The following FRMD8 variants were observed in gnomAD, a reference collection of about 807,000 sequenced individuals.
The protein encoded by FRMD8 is FERM domain-containing protein 8.
FRMD8 carries 37 observed loss-of-function variants against 54.2 expected under a neutral mutation model. That is an observed-to-expected ratio of 0.68 (90% CI 0.53 to 0.90). The LOEUF is 0.90. FRMD8 is among the 40% of genes least tolerant of loss of function. FRMD8 has a pLI of 0.00. For missense variants in FRMD8, 585 were observed against 653.7 expected (o/e 0.89, Z 1.15); for synonymous variants, 246 against 286.9 (o/e 0.86, Z 1.44).
chr11:65,404,827 GC>G lies in FRMD8; in HGVS notation c.1072-34del. On this transcript the variant is annotated intron_variant, in intron 9 of 10. Coordinates refer to ENST00000317568, the MANE Select transcript of FRMD8 (RefSeq NM_031904.5). This position sits in a 1 kb window ranked among gnomAD's most constrained non-coding sequence, Gnocchi z 4.7. ...GGCTCAGCAACAGGCATGGAAGGGG[GC>G]CCTGGCCAGGCCTCACACTGCCCCC... 6.4e-7 allele frequency: 1 copy of G among 1,558,188 alleles called. No homozygotes were observed. Among genetic ancestry groups the G allele is most frequent in the Non-Finnish European group, 8.8e-7 (1 of 1,134,424 alleles).
chr11:65,405,759 G>A (rs1436266080), intron 10 of FRMD8, among the ~76,000 whole-genome samples: 1 of 152,142 alleles, frequency 6.6e-6, no homozygotes, highest in Non-Finnish European at 1.5e-5. Context: ...CAGTACTTTG[G>A]GAGACCAAGA....
chr11:65,370,699 CAA>C, the FRMD8 span, among the ~76,000 whole-genome samples: 2 of 138,184 alleles, frequency 1.4e-5, no homozygotes, highest in Non-Finnish European at 1.6e-5. Flanking sequence ...GACTCTGTCT[CAA>C]AAAAAAAAAA....
chr11:65,391,118 A>G (rs939304707), intron 3 of FRMD8, among the ~76,000 whole-genome samples: 1 of 152,246 alleles, frequency 6.6e-6, no homozygotes, highest in South Asian at 2.1e-4. Context: ...TGTCTTCTGG[A>G]GCTGCCCTTC....
intron 6 of FRMD8, 150 bp downstream of exon 6, chr11:65,394,575 C>A: frequency 1.0e-6 from 1 of 966,070 alleles, no homozygotes; most frequent in Non-Finnish European, 1.5e-6. Context: ...TGGCCCTAGG[C>A]AGTTGTTCCG....
intron 4 of FRMD8, 114 bp downstream of exon 4, chr11:65,393,788 C>T: frequency 1.1e-6 from 1 of 911,860 alleles, no homozygotes; most frequent in Non-Finnish European, 1.7e-6. Flanking sequence ...AGGGGCAGGG[C>T]CTGCATCTCC....
chr11:65,380,475 C>T, the FRMD8 span: 7 of 1,295,644 alleles, frequency 5.4e-6, no homozygotes, highest in Non-Finnish European at 6.3e-6. Flanking sequence ...GGAGCCCATA[C>T]CCGGGTATCC....
At position 65,394,309 on chromosome 11, in the gene FRMD8, C is replaced by T. The variant is rs549815556; in HGVS notation, c.465C>T (p.Asn155=). The T allele has an allele frequency of 1.4e-5, 22 of 1,591,114 alleles. No individual in the cohort carries two copies. Among genetic ancestry groups the T allele is most frequent in the South Asian group, 4.6e-5 (4 of 87,912 alleles). The change falls in exon 6 of 11, where the codon AAC becomes AAT. Residue 155 remains asparagine, a synonymous_variant. Transcript: ENST00000317568. ...LRLLYEEAKG[N]VLAARYPCDV... ...TGCTCTATGAGGAGGCCAAGGGCAA[C>T]GTGCTGGCTGCACGGTACCCGTGCG... is the stretch of plus-strand genomic sequence containing the variant.
At chr11:65,407,800 C>T (rs942269484) in intron 10 of FRMD8, among the ~76,000 whole-genome samples, 1 of 149,522 alleles carries the variant, frequency 6.7e-6, no homozygotes, top group African/African-American at 2.5e-5. Flanking sequence ...GGGAGAATGG[C>T]GTGAACCTGG....
chr11:65,405,108 A>G (rs746269339), intron 10 of FRMD8, 40 bp downstream of exon 10: 15 of 1,583,270 alleles, frequency 9.5e-6, no homozygotes, highest in South Asian at 3.3e-5. Flanking sequence ...ACAAACACGC[A>G]TGCGCGTGCA....
At chr11:65,381,175 G>A in the FRMD8 span, 1 of 153,406 alleles carries the variant, frequency 6.5e-6, no homozygotes, top group South Asian at 2.0e-4. Flanking sequence ...GTGTTGTCCA[G>A]GCTGGAGTGC....
Position 65,405,131 on chromosome 11 carries a change from A to G in FRMD8, c.1276+63A>G, listed in dbSNP as rs540265327. 74 of 1,503,660 alleles carry G rather than the reference A, an allele frequency of 4.9e-5. No homozygotes were observed. In the East Asian group the frequency reaches 1.6e-3, roughly 33 times the overall value. The allele number at this position is 1,503,660 out of a possible 1,614,324, so 93.1% of individuals were successfully genotyped here. A position where few individuals can be genotyped will look rare whatever the true frequency, so the allele number is the denominator to read the frequency against. On this transcript the variant is annotated intron_variant, in intron 10 of 10. Transcript: ENST00000317568. ...GCATGCGCGTGCACACACCGGGGGGAGTTCCTGAGGACAGGGCATTGCAGA... is the reference window on the plus strand; with the variant it reads ...GCATGCGCGTGCACACACCGGGGGGGGTTCCTGAGGACAGGGCATTGCAGA...
At chr11:65,394,517 G>A (rs796626040) in intron 6 of FRMD8, 92 bp downstream of exon 6, 6 of 1,449,850 alleles carry the variant, frequency 4.1e-6, no homozygotes, top group South Asian at 2.6e-5. Flanking sequence ...CTCGCAAGGT[G>A]GGGGCAGGGT....
the FRMD8 span, among the ~76,000 whole-genome samples, chr11:65,369,949 T>C: frequency 6.6e-6 from 1 of 150,762 alleles, no homozygotes; most frequent in East Asian, 1.9e-4. Flanking sequence ...GAGAATCACT[T>C]GAACCCAGGA....
chr11:65,379,955 A>G, the FRMD8 span: 1 of 1,614,146 alleles, frequency 6.2e-7, no homozygotes, highest in Non-Finnish European at 8.5e-7. Context: ...GGGAGGACAG[A>G]GCAGGTAGGG....
At chr11:65,409,333 C>T (rs1157320165) in intron 10 of FRMD8, among the ~76,000 whole-genome samples, 1 of 152,066 alleles carries the variant, frequency 6.6e-6, no homozygotes. Context: ...GTGATCTGTC[C>T]GCCTCAGCCT....
chr11:65,388,322 G>C (rs1315747568), intron 2 of FRMD8, among the ~76,000 whole-genome samples: 1 of 152,168 alleles, frequency 6.6e-6, no homozygotes, highest in African/African-American at 2.4e-5. Context: ...AAGTAGATCT[G>C]AACCTGAGCC....
intron 10 of FRMD8, among the ~76,000 whole-genome samples, chr11:65,410,876 G>A (rs1036912155): frequency 2.0e-5 from 3 of 152,142 alleles, no homozygotes; most frequent in Admixed American, 6.5e-5. Context: ...TTAATGACCC[G>A]GTATTGCCAT....
At chr11:65,393,804 G>C in intron 4 of FRMD8, 130 bp downstream of exon 4, 1 of 845,152 alleles carries the variant, frequency 1.2e-6, no homozygotes, top group Non-Finnish European at 1.9e-6. Flanking sequence ...TCTCCCCCAG[G>C]CTCCGTCAGC....
chr11:65,402,978 C>T (rs1245357143), intron 9 of FRMD8, among the ~76,000 whole-genome samples: 1 of 152,106 alleles, frequency 6.6e-6, no homozygotes, highest in Non-Finnish European at 1.5e-5. Context: ...TAGCTCACTG[C>T]ATCCTTGACC....
Sources: allele counts gnomAD v4.1 joint callset (sites outside exome capture counted in the v4.1 genomes callset), GRCh38; gene constraint gnomAD v4.1.1; non-coding constraint Gnocchi (gnomAD v3.1); transcripts MANE v1.5; gene names NCBI Gene and HGNC (gene_info 2026-07-23, HGNC 2026-07-21).